ARHGAP15: variants seen among roughly 807,000 people sequenced by gnomAD.
ARHGAP15 encodes the protein Rho GTPase activating protein 15, also known as rho GTPase-activating protein 15.
A neutral mutation model predicts 63.7 loss-of-function variants in ARHGAP15; 51 were observed. The observed-to-expected ratio is 0.80, with a 90% confidence interval of 0.64 to 1.01. The LOEUF (loss-of-function observed/expected upper bound fraction) is 1.01, where lower values mean the gene tolerates loss of function less well. Among genes scored for constraint, ARHGAP15 ranks in the 50% least tolerant of loss-of-function variants. The pLI is 0.00. For synonymous variants in ARHGAP15, 191 were observed against 193.8 expected, an observed-to-expected ratio of 0.99 and a Z score of 0.12; for missense variants, 560 against 564.6, an observed-to-expected ratio of 0.99 and a Z score of 0.08.
chr2:143,560,473 G>A (rs1189218640), intron 11 of ARHGAP15, among the ~76,000 whole-genome samples: 3 of 152,166 alleles, frequency 2.0e-5, no homozygotes, highest in East Asian at 1.9e-4. Context: ...TATAAGTGAA[G>A]GAGCTAAGAC....
chr2:143,755,383 C>G (rs1016853692), intron 13 of ARHGAP15, among the ~76,000 whole-genome samples: 1 of 152,054 alleles, frequency 6.6e-6, no homozygotes, highest in African/African-American at 2.4e-5. Flanking sequence ...TTCTGCAGTA[C>G]ATGTAAATGC....
At chr2:143,399,379 C>G (rs1184253610) in intron 6 of ARHGAP15, among the ~76,000 whole-genome samples, 1 of 151,732 alleles carries the variant, frequency 6.6e-6, no homozygotes, top group Non-Finnish European at 1.5e-5. Context: ...AAAAAAATGC[C>G]CTTCTTGGCA....
chr2:143,727,936 G>C (rs1685356563), intron 13 of ARHGAP15, among the ~76,000 whole-genome samples: 1 of 152,170 alleles, frequency 6.6e-6, no homozygotes. Flanking sequence ...GAGTTAGCTG[G>C]AAAAGCATTC....
intron 3 of ARHGAP15, among the ~76,000 whole-genome samples, chr2:143,205,764 C>T (rs1343185408): frequency 6.6e-6 from 1 of 151,964 alleles, no homozygotes; most frequent in African/African-American, 2.4e-5. Flanking sequence ...GATGAGAACA[C>T]ATTTTCTTTA....
intron 6 of ARHGAP15, among the ~76,000 whole-genome samples, chr2:143,342,108 G>A (rs897860897): frequency 2.6e-5 from 4 of 152,052 alleles, no homozygotes; most frequent in African/African-American, 4.8e-5. Context: ...TGAGCTAAAT[G>A]TCTATTGAGC....
intron 6 of ARHGAP15, among the ~76,000 whole-genome samples, chr2:143,423,541 A>C (rs1689019180): frequency 6.6e-6 from 1 of 152,116 alleles, no homozygotes; most frequent in African/African-American, 2.4e-5. Flanking sequence ...CTGGATGTGT[A>C]CAGTAGTGAG....
chr2:143,469,685 G>A (rs1052879984), intron 8 of ARHGAP15, among the ~76,000 whole-genome samples: 4 of 152,150 alleles, frequency 2.6e-5, no homozygotes, highest in Non-Finnish European at 5.9e-5. Context: ...AGATTTCAGA[G>A]ACTTAGTACA....
chr2:143,555,860 A>AAGAATAGAAT (rs60637898), intron 10 of ARHGAP15, among the ~76,000 whole-genome samples: 10,221 of 137,932 alleles, frequency 0.074, 515 homozygotes, highest in Non-Finnish European at 0.091. Context: ...ACAGGAAAAC[A>AAGAATAGAAT]AGAATAGAAT....
At chr2:143,230,810 T>C (rs924761043) in intron 5 of ARHGAP15, among the ~76,000 whole-genome samples, 8 of 152,290 alleles carry the variant, frequency 5.3e-5, no homozygotes, top group Admixed American at 3.9e-4. Flanking sequence ...TTGAAAGAGA[T>C]TTATGCTCAA....
intron 6 of ARHGAP15, among the ~76,000 whole-genome samples, chr2:143,405,844 G>A (rs1408547388): frequency 6.6e-6 from 1 of 151,826 alleles, no homozygotes; most frequent in East Asian, 1.9e-4. Context: ...AAGTCAGCAT[G>A]TTTTGCTCTA....
intron 12 of ARHGAP15, among the ~76,000 whole-genome samples, chr2:143,646,197 G>C (rs1411488962): frequency 6.6e-6 from 1 of 152,016 alleles, no homozygotes; most frequent in African/African-American, 2.4e-5. Flanking sequence ...AGAGCAGAAG[G>C]GTAAGAATGT....
chr2:143,187,761 A>G (rs1052480689), intron 2 of ARHGAP15, among the ~76,000 whole-genome samples: 1 of 152,222 alleles, frequency 6.6e-6, no homozygotes, highest in African/African-American at 2.4e-5. Context: ...CTGATAAGGA[A>G]GTGGGACTTT....
At chr2:143,395,163 A>G (rs1367981922) in intron 6 of ARHGAP15, among the ~76,000 whole-genome samples, 1 of 152,182 alleles carries the variant, frequency 6.6e-6, no homozygotes, top group Non-Finnish European at 1.5e-5. Context: ...CTTAAAATTT[A>G]TTGAGGAACA....
intron 1 of ARHGAP15, among the ~76,000 whole-genome samples, chr2:143,146,461 C>G (rs1384506120): frequency 6.6e-6 from 1 of 151,800 alleles, no homozygotes; most frequent in Non-Finnish European, 1.5e-5. Flanking sequence ...GAATGATTAG[C>G]TTTAGTGGGG....
chr2:143,150,234 G>A (rs1689762699), intron 1 of ARHGAP15, among the ~76,000 whole-genome samples: 1 of 151,984 alleles, frequency 6.6e-6, no homozygotes, highest in Non-Finnish European at 1.5e-5. Flanking sequence ...TGCTGTTGAT[G>A]TGAAAGAGAT....
intron 6 of ARHGAP15, among the ~76,000 whole-genome samples, chr2:143,300,162 T>A (rs2105148235): frequency 6.6e-6 from 1 of 152,128 alleles, no homozygotes; most frequent in East Asian, 1.9e-4. Flanking sequence ...GTGATTAACC[T>A]GATACCTATG....
intron 6 of ARHGAP15, among the ~76,000 whole-genome samples, chr2:143,393,726 TAAAAAAAAAAA>T (rs10593584): frequency 2.7e-3 from 163 of 61,478 alleles, no homozygotes; most frequent in Non-Finnish European, 3.9e-3. Flanking sequence ...AGACTCTGTC[TAAAAAAAAAAA>T]AAAAAAAAAA....
At chr2:143,396,500 A>G (rs1687765601) in intron 6 of ARHGAP15, among the ~76,000 whole-genome samples, 1 of 152,096 alleles carries the variant, frequency 6.6e-6, no homozygotes, top group East Asian at 1.9e-4. Context: ...CAACAATTTA[A>G]TGATGCTATG....
intron 8 of ARHGAP15, among the ~76,000 whole-genome samples, chr2:143,437,754 G>C (rs1344161095): frequency 3.3e-5 from 5 of 152,216 alleles, no homozygotes; most frequent in African/African-American, 9.6e-5. Context: ...GGCTGGGCGA[G>C]GTAGCTCACG....
Sources: allele counts gnomAD v4.1 joint callset (sites outside exome capture counted in the v4.1 genomes callset), GRCh38; gene constraint gnomAD v4.1.1; transcripts MANE v1.5; gene names NCBI Gene and HGNC (gene_info 2026-07-23, HGNC 2026-07-21).